The following PSME4 variants were observed in gnomAD, a reference collection of about 807,000 sequenced individuals.
PSME4 encodes the protein proteasome activator subunit 4, also known as proteasome activator complex subunit 4.
PSME4 carries 89 observed loss-of-function variants against 253.9 expected under a neutral mutation model. That is an observed-to-expected ratio of 0.35 (90% CI 0.30 to 0.42). PSME4 has a LOEUF of 0.42. Ranked by LOEUF, PSME4 falls within the 10% of genes least tolerant of loss-of-function variation. PSME4 has a pLI of 1.00. For synonymous variants in PSME4, 851 were observed against 759.2 expected, an observed-to-expected ratio of 1.12 and a Z score of -1.99; for missense variants, 2,014 against 2,195.2, an observed-to-expected ratio of 0.92 and a Z score of 1.65.
chr2:53,949,735 G>A lies in PSME4; in HGVS notation c.243-452C>T, dbSNP rs1416396936. On this transcript the variant is annotated intron_variant, in intron 1 of 46. Coordinates refer to ENST00000404125, the MANE Select transcript of PSME4 (RefSeq NM_014614.3). ...TTGCTGCCAGGGGTTGCAAGGACCA[G>A]GAAATGGAGAGCTGTTATTCAATGG... Among the ~76,000 whole-genome samples the A allele has an allele frequency of 3.3e-5, 5 of 152,122 alleles. No homozygotes were observed. The East Asian group carries it at 9.6e-4, about 29-fold the overall frequency.
At position 53,908,799 on chromosome 2, in the gene PSME4, T is replaced by C. The variant is rs2302878; in HGVS notation, c.2614A>G (p.Ile872Val). ...ENHREVIATV[I>V]RKLLNHILDN... ...ATACACTTACTAAGAAGTTTCCTTA[T>C]AACTGTAGCAATTACTTCTCGGTGG... is the stretch of plus-strand genomic sequence containing the variant. Residue 872 changes from isoleucine to valine, a missense_variant, in exon 22 of 47, where the codon ATA becomes GTA. This residue lies in a region of PSME4 where 989 missense variants were observed against 1,021.1 expected (regional missense o/e 0.97). Coordinates refer to ENST00000404125, the MANE Select transcript of PSME4 (RefSeq NM_014614.3). The C allele has an allele frequency of 0.033, 52,121 of 1,602,856 alleles. 3,431 individuals carry two copies. Among genetic ancestry groups the C allele is most frequent in the East Asian group, 0.27 (12,172 of 44,588 alleles).
chr2:53,869,276 C>G (rs1166111810), intron 44 of PSME4, 100 bp downstream of exon 44: 7 of 1,210,150 alleles, frequency 5.8e-6, no homozygotes, highest in Non-Finnish European at 7.9e-6. Flanking sequence ...TAGCATAGAC[C>G]TGGGCACATA....
intron 35 of PSME4, 59 bp from the exon 36 acceptor site, chr2:53,893,019 T>A: frequency 1.4e-6 from 2 of 1,475,072 alleles, no homozygotes; most frequent in Non-Finnish European, 1.9e-6. Flanking sequence ...ATTATAATTA[T>A]GCTTGTAATT....
At chr2:53,887,754 G>A (rs1679707705) in intron 39 of PSME4, 104 bp downstream of exon 39, 5 of 1,333,054 alleles carry the variant, frequency 3.8e-6, no homozygotes, top group Non-Finnish European at 5.1e-6. Context: ...AAGACACCAT[G>A]AAACCCACTG....
At chr2:53,912,805 C>T (rs1249964282) in intron 20 of PSME4, among the ~76,000 whole-genome samples, 2 of 152,180 alleles carry the variant, frequency 1.3e-5, no homozygotes, top group African/African-American at 4.8e-5. Flanking sequence ...AAAGAAATCT[C>T]TACCCATTAC....
At chr2:53,893,540 T>C (rs750610790) in intron 35 of PSME4, 134 bp downstream of exon 35, 49 of 1,496,782 alleles carry the variant, frequency 3.3e-5, no homozygotes, top group Admixed American at 1.2e-4. Flanking sequence ...AGTCTGTACA[T>C]GTTCAGTGTA....
intron 7 of PSME4, among the ~76,000 whole-genome samples, chr2:53,935,438 G>A (rs1314214219): frequency 6.6e-6 from 1 of 152,022 alleles, no homozygotes; most frequent in African/African-American, 2.4e-5. Flanking sequence ...AGAATCACCA[G>A]GATATCCCCC....
chr2:53,934,598 T>C lies in PSME4; in HGVS notation c.957+7A>G, dbSNP rs762543167. ...ACTACAGAAAACAAATATAATGTAT[T>C]ACAAACCATCATGGCGGTGATCCAT... On this transcript the variant is annotated splice_region_variant and intron_variant, in intron 8 of 46. Transcript: ENST00000404125. The C allele has an allele frequency of 3.7e-6, 6 of 1,605,376 alleles. No individual in the cohort carries two copies. The highest frequency in any genetic ancestry group is 4.3e-6 in the Non-Finnish European group (5 of 1,175,704).
At position 53,929,031 on chromosome 2, in the gene PSME4, T is replaced by C. The variant is rs568937816; in HGVS notation, c.1317-728A>G. 4.5e-3 allele frequency among the ~76,000 whole-genome samples: 689 copies of C among 152,080 alleles called. 1 individual carries two copies. Among genetic ancestry groups the C allele is most frequent in the Middle Eastern group, 6.8e-3 (2 of 294 alleles). On this transcript the variant is annotated intron_variant, in intron 10 of 46. Coordinates refer to ENST00000404125, the MANE Select transcript of PSME4 (RefSeq NM_014614.3). ...GAATACAAAAATTGGCGGGGTGTGGTGGTGCATGCCTGTAATCCAAGCTAC... is the reference window on the plus strand; with the variant it reads ...GAATACAAAAATTGGCGGGGTGTGGCGGTGCATGCCTGTAATCCAAGCTAC...
At chr2:53,945,373 C>T (rs906690315) in intron 3 of PSME4, among the ~76,000 whole-genome samples, 1 of 149,276 alleles carries the variant, frequency 6.7e-6, no homozygotes, top group Non-Finnish European at 1.5e-5. Flanking sequence ...TCCAATTTTA[C>T]TTCTTCTATT....
At chr2:53,950,712 A>G (rs1313325742) in intron 1 of PSME4, among the ~76,000 whole-genome samples, 2 of 151,922 alleles carry the variant, frequency 1.3e-5, no homozygotes, top group East Asian at 3.9e-4. Context: ...GTGGTGGCAC[A>G]TGCCTGTAAT....
intron 3 of PSME4, among the ~76,000 whole-genome samples, chr2:53,944,782 C>G (rs1388813696): frequency 6.6e-6 from 1 of 151,938 alleles, no homozygotes; most frequent in Non-Finnish European, 1.5e-5. Flanking sequence ...GAGCTGAGGA[C>G]AAAGGATTTA....
intron 20 of PSME4, among the ~76,000 whole-genome samples, chr2:53,918,680 T>G (rs1196228188): frequency 1.3e-5 from 2 of 152,210 alleles, no homozygotes; most frequent in African/African-American, 2.4e-5. Flanking sequence ...GGATTCAATT[T>G]AGCTATTCAC....
Position 53,894,999 on chromosome 2 carries a change from A to G in PSME4, c.3912+8T>C. 2 of 1,606,240 alleles carry G rather than the reference A, an allele frequency of 1.2e-6. No homozygotes were observed. Among genetic ancestry groups the G allele is most frequent in the Admixed American group, 1.7e-5 (1 of 57,606 alleles). ...TGCATTTGAACCATGGTGAAATGGAATGCTTACCTCTGTCATATCCTCCCT... is the reference window on the plus strand; with the variant it reads ...TGCATTTGAACCATGGTGAAATGGAGTGCTTACCTCTGTCATATCCTCCCT... On this transcript the variant is annotated splice_region_variant and intron_variant, in intron 34 of 46. Transcript: ENST00000404125.
chr2:53,887,125 C>T (rs894648585), intron 40 of PSME4, 134 bp downstream of exon 40: 11 of 737,082 alleles, frequency 1.5e-5, no homozygotes, highest in African/African-American at 1.1e-4. Context: ...CTGAACTGTA[C>T]ACTTAAAAAT....
At chr2:53,896,693 G>T in intron 32 of PSME4, 111 bp downstream of exon 32, 1 of 764,414 alleles carries the variant, frequency 1.3e-6, no homozygotes, top group Non-Finnish European at 2.2e-6. Context: ...TATATTTTGT[G>T]TTAATATCCA....
chr2:53,904,375 T>G (rs113487899), intron 26 of PSME4, among the ~76,000 whole-genome samples: 2 of 152,222 alleles, frequency 1.3e-5, no homozygotes, highest in African/African-American at 4.8e-5. Context: ...TAGGTTACAC[T>G]GACTGAAATA....
chr2:53,949,706 A>C (rs1486890615), intron 1 of PSME4, among the ~76,000 whole-genome samples: 1 of 152,208 alleles, frequency 6.6e-6, no homozygotes, highest in Non-Finnish European at 1.5e-5. Context: ...AGAAAGTAGA[A>C]TACTTGCTGC....
chr2:53,897,784 GT>G (rs1413851855), intron 31 of PSME4, 85 bp downstream of exon 31: 1 of 1,395,256 alleles, frequency 7.2e-7, no homozygotes, highest in African/African-American at 1.4e-5. Flanking sequence ...TATTAACCAA[GT>G]GTGTATTGCT....
Sources: allele counts gnomAD v4.1 joint callset (sites outside exome capture counted in the v4.1 genomes callset), GRCh38; gene constraint gnomAD v4.1.1; regional missense constraint gnomAD v4.1.1; transcripts MANE v1.5; gene names NCBI Gene and HGNC (gene_info 2026-07-23, HGNC 2026-07-21).